Variants in SLC26A7 observed in about 807,000 individuals in gnomAD.
SLC26A7 encodes anion exchange transporter.
In SLC26A7, 59 loss-of-function variants were observed where a neutral mutation model predicts 82.5. The observed-to-expected ratio is 0.72, with a 90% CI of 0.58 to 0.89. The LOEUF is 0.89. Among genes scored for constraint, SLC26A7 ranks in the 40% least tolerant of loss-of-function variants. The pLI is 0.00. For missense variants in SLC26A7, 820 were observed against 793.0 expected (o/e 1.03, Z -0.41); for synonymous variants, 271 against 274.3 (o/e 0.99, Z 0.12).
chr8:91,314,478 G>A (rs1036870767), intron 4 of SLC26A7, among the ~76,000 whole-genome samples: 1 of 152,140 alleles, frequency 6.6e-6, no homozygotes, highest in African/African-American at 2.4e-5. Flanking sequence ...GGGAAAGAGG[G>A]AGTTCTTAAA....
chr8:91,351,861 G>A lies in SLC26A7; in HGVS notation c.1192G>A (p.Gly398Arg), dbSNP rs1185299077. 1 of 1,612,466 alleles carries A rather than the reference G, an allele frequency of 6.2e-7. No homozygotes were observed. The highest frequency in any genetic ancestry group is 1.1e-5 in the South Asian group (1 of 91,034). ...IFVLIVIYAI[G>R]PLLYWLPMCV... ...CGTCCTTATAGTCATCTATGCAATA[G>A]GACCTTTGCTTTACTGGCTGCCCAT... The change falls in exon 10 of 19, where the codon GGA (glycine) becomes AGA (arginine). Residue 398 changes from glycine (G) to arginine (R), a missense_variant. Transcript: ENST00000276609.
At chr8:91,364,310 C>T (rs1814131070) in intron 13 of SLC26A7, among the ~76,000 whole-genome samples, 2 of 152,098 alleles carry the variant, frequency 1.3e-5, no homozygotes, top group African/African-American at 2.4e-5. Context: ...CATAATTTCC[C>T]TAAGGACAGA....
intron 2 of SLC26A7, among the ~76,000 whole-genome samples, chr8:91,272,719 G>A (rs1231833082): frequency 6.6e-6 from 1 of 152,160 alleles, no homozygotes; most frequent in South Asian, 2.1e-4. Context: ...GGTCATAAAA[G>A]GCTTGTATGA....
chr8:91,335,712 G>C (rs1241751615), intron 6 of SLC26A7, among the ~76,000 whole-genome samples: 1 of 152,162 alleles, frequency 6.6e-6, no homozygotes, highest in Non-Finnish European at 1.5e-5. Context: ...TAAGACCCAA[G>C]GAAAAAGTAC....
At chr8:91,390,164 G>A (rs1282608390) in intron 16 of SLC26A7, among the ~76,000 whole-genome samples, 1 of 149,454 alleles carries the variant, frequency 6.7e-6, no homozygotes, top group Non-Finnish European at 1.5e-5. Flanking sequence ...AGGCTGGAGT[G>A]CAGTGGCGCG....
chr8:91,338,040 C>T, intron 6 of SLC26A7, 110 bp from the exon 7 acceptor site: 5 of 572,750 alleles, frequency 8.7e-6, no homozygotes, highest in Non-Finnish European at 1.1e-5. Flanking sequence ...CTAGATTATT[C>T]TTGATGTTTA....
intron 11 of SLC26A7, among the ~76,000 whole-genome samples, chr8:91,356,994 T>G (rs891731846): frequency 6.6e-6 from 1 of 152,156 alleles, no homozygotes; most frequent in Non-Finnish European, 1.5e-5. Flanking sequence ...GGAGATCTCA[T>G]GCTGTTGTCA....
At chr8:91,356,481 G>A (rs1409864100) in intron 11 of SLC26A7, among the ~76,000 whole-genome samples, 2 of 152,178 alleles carry the variant, frequency 1.3e-5, no homozygotes, top group Non-Finnish European at 2.9e-5. Flanking sequence ...GATGGCCAGT[G>A]ATGATGAGCA....
rs192177063 is a variant in SLC26A7, at chr8:91,330,256, A to G, written c.643-4039A>G. On this transcript the variant is annotated intron_variant, in intron 5 of 18. Coordinates refer to ENST00000276609, the MANE Select transcript of SLC26A7 (RefSeq NM_052832.4). ...TAATTGAGTACATTTTCTTTGCTCA[A>G]AAGATTTAACATGTTAATGATAAAA... is the stretch of plus-strand genomic sequence containing the variant. 8.3e-4 allele frequency among the ~76,000 whole-genome samples: 127 copies of G among 152,268 alleles called. 1 individual carries two copies. The highest frequency in any genetic ancestry group is 3.0e-3 in the African/African-American group (123 of 41,566).
At chr8:91,316,153 T>C (rs1215209307) in intron 4 of SLC26A7, among the ~76,000 whole-genome samples, 1 of 152,202 alleles carries the variant, frequency 6.6e-6, no homozygotes, top group African/African-American at 2.4e-5. Flanking sequence ...CGATTTATGC[T>C]CTAGTGGTAC....
At chr8:91,265,149 T>C (rs1811076744) in intron 2 of SLC26A7, among the ~76,000 whole-genome samples, 1 of 152,142 alleles carries the variant, frequency 6.6e-6, no homozygotes, top group Non-Finnish European at 1.5e-5. Flanking sequence ...TATTTGTCTT[T>C]CTGTGTCTGG....
At position 91,258,963 on chromosome 8, in the gene SLC26A7, C is replaced by T. The variant is rs77703646; in HGVS notation, c.193+9119C>T. ...CACTGCAAATACCTTTTTACCTGCT[C>T]GTTCGCTCTGTGTTGTTCCCTTGCT... On this transcript the variant is annotated intron_variant, in intron 2 of 18. Coordinates refer to ENST00000276609, the MANE Select transcript of SLC26A7 (RefSeq NM_052832.4). Among the ~76,000 whole-genome samples, 144 of 152,172 alleles carry T rather than the reference C, an allele frequency of 9.5e-4. 6 individuals carry two copies. The East Asian group carries it at 0.025, about 27-fold the overall frequency.
At chr8:91,325,188 A>C (rs1368378331) in intron 5 of SLC26A7, among the ~76,000 whole-genome samples, 1 of 152,178 alleles carries the variant, frequency 6.6e-6, no homozygotes, top group Non-Finnish European at 1.5e-5. Flanking sequence ...AACCTCTCCA[A>C]GTCTTATTTT....
intron 8 of SLC26A7, among the ~76,000 whole-genome samples, chr8:91,341,041 G>C (rs2130841863): frequency 6.6e-6 from 1 of 151,082 alleles, no homozygotes; most frequent in Non-Finnish European, 1.5e-5. Flanking sequence ...CATTGTGCAG[G>C]TTAGTTACAT....
Position 91,318,253 on chromosome 8 carries a change from T to C in SLC26A7, c.515T>C (p.Phe172Ser). ...MFVLQLGSATFVVTEPVISAM... is the reference protein window; with the variant it reads ...MFVLQLGSATSVVTEPVISAM... The stretch of plus-strand genomic sequence containing the variant: ...GTGCTGCAACTGGGCAGTGCCACAT[T>C]TGTGGTCACAGAGCCTGTGATCAGC... Residue 172 changes from phenylalanine (F) to serine (S), a missense_variant, in exon 5 of 19, where the codon TTT becomes TCT. Coordinates refer to ENST00000276609, the MANE Select transcript of SLC26A7 (RefSeq NM_052832.4). The C allele has an allele frequency of 6.2e-7, 1 of 1,604,602 alleles. No individual in the cohort carries two copies. Among genetic ancestry groups the C allele is most frequent in the Admixed American group, 1.7e-5 (1 of 58,744 alleles).
At chr8:91,214,990 A>G (rs1404342600) in intron 1 of SLC26A7, among the ~76,000 whole-genome samples, 1 of 151,914 alleles carries the variant, frequency 6.6e-6, no homozygotes, top group Non-Finnish European at 1.5e-5. Context: ...TTCCATCTTC[A>G]AAGTCAGTAT....
At chr8:91,348,426 G>T (rs1813624584) in intron 9 of SLC26A7, 2 of 859,330 alleles carry the variant, frequency 2.3e-6, no homozygotes, top group Non-Finnish European at 2.8e-6. Context: ...TGCATGTATG[G>T]TCATCTTTGT....
At chr8:91,321,745 T>C (rs970529014) in intron 5 of SLC26A7, among the ~76,000 whole-genome samples, 2 of 152,228 alleles carry the variant, frequency 1.3e-5, no homozygotes, top group Non-Finnish European at 2.9e-5. Context: ...CTTTTAGTAT[T>C]ATGGCTAGTT....
At position 91,394,153 on chromosome 8, in the gene SLC26A7, CCCCCA is replaced by C. The variant is rs1006371529; in HGVS notation, c.1935+127_1935+131del. On this transcript the variant is annotated intron_variant, in intron 18 of 18. Transcript: ENST00000276609. ...CCATTGGCATCTAAAATCTGTTAGC[CCCCCA>C]CCCCACCCCACCTCAGACTTTCTAT... The C allele has an allele frequency of 1.3e-4, 205 of 1,598,166 alleles. 1 individual carries two copies. The African/African-American group carries it at 1.8e-3, about 14-fold the overall frequency.
Sources: allele counts gnomAD v4.1 joint callset (sites outside exome capture counted in the v4.1 genomes callset), GRCh38; gene constraint gnomAD v4.1.1; transcripts MANE v1.5; gene names NCBI Gene and HGNC (gene_info 2026-07-23, HGNC 2026-07-21).